Variants in RBM27 observed in about 807,000 individuals in gnomAD.
RBM27 encodes RNA-binding protein 27.
RBM27 carries 22 observed loss-of-function variants against 135.3 expected under a neutral mutation model. The observed-to-expected ratio is 0.16, with a 90% CI of 0.12 to 0.23. The LOEUF is 0.23. Ranked by LOEUF, RBM27 falls within the 10% of genes least tolerant of loss-of-function variation. RBM27 has a pLI of 1.00. For missense variants in RBM27, 1,009 were observed against 1,281.0 expected, an observed-to-expected ratio of 0.79 and a Z score of 3.24; for synonymous variants, 481 against 442.4, an observed-to-expected ratio of 1.09 and a Z score of -1.10.
At chr5:146,259,681 A>G (rs974660468) in intron 11 of RBM27, among the ~76,000 whole-genome samples, 1 of 151,520 alleles carries the variant, frequency 6.6e-6, no homozygotes, top group African/African-American at 2.4e-5. Context: ...CTCATGTAAT[A>G]AGAATAATGT....
chr5:146,216,662 A>AT (rs927396840), intron 1 of RBM27, among the ~76,000 whole-genome samples: 2 of 151,992 alleles, frequency 1.3e-5, no homozygotes, highest in Non-Finnish European at 2.9e-5. Context: ...ACTTTCTTTT[A>AT]TTTTTTATTT....
chr5:146,250,770 C>CTTTTTTTTTT (rs58027855), intron 8 of RBM27, among the ~76,000 whole-genome samples: 16 of 72,650 alleles, frequency 2.2e-4, no homozygotes, highest in South Asian at 6.2e-4. Flanking sequence ...TTTTTTTGTC[C>CTTTTTTTTTT]TTTTTTTTTT....
chr5:146,212,479 G>A (rs1756008601), intron 1 of RBM27, among the ~76,000 whole-genome samples: 1 of 151,798 alleles, frequency 6.6e-6, no homozygotes, highest in Non-Finnish European at 1.5e-5. Context: ...CTCCTGAGTA[G>A]CTGGGACTAT....
chr5:146,229,592 T>C, intron 4 of RBM27, 125 bp from the exon 5 acceptor site: 1 of 771,716 alleles, frequency 1.3e-6, no homozygotes, highest in Non-Finnish European at 2.1e-6. Flanking sequence ...TGTGGTAGAT[T>C]TGCAACTTTC....
chr5:146,244,859 C>CATTTATTT (rs766229886), intron 8 of RBM27, among the ~76,000 whole-genome samples: 1 of 151,796 alleles, frequency 6.6e-6, no homozygotes, highest in Non-Finnish European at 1.5e-5. Context: ...ATTTTAAAAA[C>CATTTATTT]ATTTATTTAT....
chr5:146,285,404 G>A (rs1759540397), intron 20 of RBM27, among the ~76,000 whole-genome samples: 1 of 152,026 alleles, frequency 6.6e-6, no homozygotes, highest in Admixed American at 6.6e-5. Flanking sequence ...CACAGCAAAA[G>A]CAGAAATGTT....
chr5:146,278,831 C>T (rs935401561), intron 19 of RBM27, among the ~76,000 whole-genome samples: 2 of 151,750 alleles, frequency 1.3e-5, no homozygotes, highest in African/African-American at 4.8e-5. Context: ...ATGCCATTCT[C>T]CTGCCTCAGC....
At chr5:146,230,461 T>C (rs1050309791) in intron 5 of RBM27, among the ~76,000 whole-genome samples, 196 bp from the exon 6 acceptor site, 2 of 152,190 alleles carry the variant, frequency 1.3e-5, no homozygotes, top group Admixed American at 6.5e-5. Flanking sequence ...TTTGCACAAG[T>C]TCTTGCCCAA....
intron 8 of RBM27, among the ~76,000 whole-genome samples, chr5:146,244,430 C>G (rs1027676475): frequency 4.5e-4 from 69 of 151,958 alleles, no homozygotes; most frequent in African/African-American, 1.6e-3. Context: ...TGTCATAGAC[C>G]CTGTGAAAAT....
At chr5:146,233,425 T>A (rs1315121052) in intron 6 of RBM27, 25 bp from the exon 7 acceptor site, 1 of 1,505,556 alleles carries the variant, frequency 6.6e-7, no homozygotes, top group Admixed American at 2.3e-5. Flanking sequence ...ATAATAAGAT[T>A]CTTTTTTTAT....
intron 3 of RBM27, 49 bp downstream of exon 3, chr5:146,223,576 A>G (rs1756547189): frequency 6.4e-7 from 1 of 1,561,632 alleles, no homozygotes; most frequent in African/African-American, 1.4e-5. Flanking sequence ...AGATCCTGTC[A>G]CCAGTATCCT....
chr5:146,226,028 ATT>A (rs11291937), intron 3 of RBM27, among the ~76,000 whole-genome samples: 1,652 of 130,964 alleles, frequency 0.013, 21 homozygotes, highest in African/African-American at 0.028. Flanking sequence ...AGCCTGCCTA[ATT>A]TTTTTTTTTT....
chr5:146,241,385 T>C (rs1407525640), intron 8 of RBM27, among the ~76,000 whole-genome samples: 2 of 152,228 alleles, frequency 1.3e-5, no homozygotes, highest in East Asian at 3.8e-4. Flanking sequence ...GTGAATAAGA[T>C]ATTAGATCTC....
chr5:146,227,490 C>G (rs1163304186), intron 3 of RBM27, among the ~76,000 whole-genome samples: 1 of 152,174 alleles, frequency 6.6e-6, no homozygotes, highest in African/African-American at 2.4e-5. Context: ...ATTATTATCT[C>G]CTAAGTCCAT....
intron 6 of RBM27, among the ~76,000 whole-genome samples, chr5:146,231,540 T>C (rs1360082399): frequency 2.0e-5 from 3 of 152,194 alleles, no homozygotes; most frequent in East Asian, 3.8e-4. Flanking sequence ...TTCACTGTTA[T>C]TTCAAACACT....
chr5:146,207,637 T>A (rs554209998), intron 1 of RBM27, among the ~76,000 whole-genome samples: 1 of 151,824 alleles, frequency 6.6e-6, no homozygotes, highest in South Asian at 2.1e-4. Flanking sequence ...GTGAAACATA[T>A]GCATGTAACG....
In RBM27 at chr5:146,267,756, T is replaced by TA. The variant is rs762006287; in HGVS notation, c.2448dup (p.Gln817ThrfsTer63). Reference sequence around the variant, plus strand: ...AATCTCATGATGTTCAAGAAGTGCTTAAAAAAAAACAGGTAACAGTCTTGA... The same window carrying TA: ...AATCTCATGATGTTCAAGAAGTGCTTAAAAAAAAAACAGGTAACAGTCTTGA... On this transcript the variant is annotated frameshift_variant, in exon 15 of 21. Transcript: ENST00000265271. LOFTEE classifies it high-confidence loss of function. The TA allele has an allele frequency of 5.4e-4, 834 of 1,555,386 alleles. No homozygotes were observed. Among genetic ancestry groups the TA allele is most frequent in the Admixed American group, 1.3e-3 (69 of 54,536 alleles).
intron 1 of RBM27, among the ~76,000 whole-genome samples, chr5:146,216,121 A>G (rs936308699): frequency 7.2e-5 from 11 of 152,150 alleles, no homozygotes; most frequent in African/African-American, 1.7e-4. Context: ...CAGTGGCACA[A>G]TCTCGGCTCA....
intron 14 of RBM27, among the ~76,000 whole-genome samples, chr5:146,263,912 C>A (rs954901987): frequency 6.0e-5 from 9 of 151,184 alleles, no homozygotes; most frequent in African/African-American, 2.2e-4. Flanking sequence ...TGAGACCAGC[C>A]TGGCCAAAAT....
Sources: gnomAD v4.1 joint callset for allele counts (sites outside exome capture counted in the v4.1 genomes callset) on GRCh38, gnomAD v4.1.1 for gene constraint, MANE v1.5 for transcripts, NCBI Gene and HGNC (gene_info 2026-07-23, HGNC 2026-07-21) for gene names.